ZBTB16: variants seen among roughly 807,000 people sequenced by gnomAD.
The protein encoded by ZBTB16 is zinc finger and BTB domain-containing protein 16.
In ZBTB16, 8 loss-of-function variants were observed where a neutral mutation model predicts 56.8. That is an observed-to-expected ratio of 0.14 (90% CI 0.08 to 0.25). The LOEUF is 0.25. ZBTB16 is among the 10% of genes least tolerant of loss of function. The pLI is 1.00. For missense variants in ZBTB16, 625 were observed against 903.0 expected, an observed-to-expected ratio of 0.69 and a Z score of 3.95; for synonymous variants, 363 against 368.5, an observed-to-expected ratio of 0.98 and a Z score of 0.17.
intron 3 of ZBTB16, among the ~76,000 whole-genome samples, chr11:114,186,544 G>C (rs1943364367): frequency 6.6e-6 from 1 of 152,094 alleles, no homozygotes; most frequent in South Asian, 2.1e-4. Context: ...TCCAGGTTGA[G>C]GTATGTCAGC....
intron 2 of ZBTB16, among the ~76,000 whole-genome samples, chr11:114,141,304 A>G (rs1002290195): frequency 5.3e-5 from 8 of 152,030 alleles, no homozygotes; most frequent in Non-Finnish European, 8.8e-5. Context: ...ACTGAATCTC[A>G]CCATATCCTC....
chr11:114,091,756 C>A (rs540105003), intron 2 of ZBTB16, among the ~76,000 whole-genome samples: 21 of 152,138 alleles, frequency 1.4e-4, no homozygotes, highest in African/African-American at 4.8e-4. Flanking sequence ...GGTTCCAGTG[C>A]CCCAGCCCAC....
At position 114,156,424 on chromosome 11, in the gene ZBTB16, G is replaced by A; in HGVS notation, c.1356G>A (p.Leu452=). ...GTTTGCGGCTGAGAATGCACTTACT[G>A]GCTCATTCAGGTAGGCAAGTTCGCC... is the stretch of plus-strand genomic sequence containing the variant. The part of the protein sequence containing the change: ...LDSLRLRMHL[L]AHSAGAKAFV... The change falls in exon 3 of 7, where the codon CTG becomes CTA. Residue 452 remains leucine (L), a synonymous_variant. Coordinates refer to ENST00000335953, the MANE Select transcript of ZBTB16 (RefSeq NM_006006.6). The A allele has an allele frequency of 6.2e-7, 1 of 1,614,234 alleles. No individual in the cohort carries two copies. The highest frequency in any genetic ancestry group is 1.1e-5 in the South Asian group (1 of 91,088).
At chr11:114,193,247 T>C (rs1431023725) in intron 4 of ZBTB16, among the ~76,000 whole-genome samples, 2 of 152,132 alleles carry the variant, frequency 1.3e-5, no homozygotes, top group East Asian at 1.9e-4. Context: ...TCAATAAAGA[T>C]TGAGTAAACT....
intron 2 of ZBTB16, among the ~76,000 whole-genome samples, chr11:114,066,108 G>A (rs1454288506): frequency 6.6e-6 from 1 of 152,174 alleles, no homozygotes; most frequent in African/African-American, 2.4e-5. Flanking sequence ...TGCTGATCTT[G>A]GGTGGATTCT....
intron 2 of ZBTB16, among the ~76,000 whole-genome samples, chr11:114,128,378 A>G (rs930128329): frequency 6.6e-6 from 1 of 152,190 alleles, no homozygotes; most frequent in Non-Finnish European, 1.5e-5. Flanking sequence ...CCGTGGCCAC[A>G]TGGGCACAGT....
chr11:114,152,850 C>T (rs750173011), intron 2 of ZBTB16, among the ~76,000 whole-genome samples: 39 of 152,208 alleles, frequency 2.6e-4, no homozygotes, highest in African/African-American at 4.3e-4. Flanking sequence ...CAGATGGCCA[C>T]GTGCAATTAA....
chr11:114,115,125 A>G (rs1941130662), intron 2 of ZBTB16, among the ~76,000 whole-genome samples: 1 of 152,166 alleles, frequency 6.6e-6, no homozygotes, highest in East Asian at 1.9e-4. Flanking sequence ...GCAAACCTGT[A>G]TACTTCTTTA....
chr11:114,183,190 A>G (rs1032439931), intron 3 of ZBTB16, among the ~76,000 whole-genome samples: 2 of 152,122 alleles, frequency 1.3e-5, no homozygotes, highest in African/African-American at 4.8e-5. Context: ...CGTTTGTGTT[A>G]TCCACGTGTA....
At chr11:114,114,245 A>C (rs889219711) in intron 2 of ZBTB16, among the ~76,000 whole-genome samples, 1 of 152,240 alleles carries the variant, frequency 6.6e-6, no homozygotes, top group Non-Finnish European at 1.5e-5. Flanking sequence ...TGAAAGACAG[A>C]ATAATGGATG....
At chr11:114,167,981 G>C (rs1235761327) in intron 3 of ZBTB16, among the ~76,000 whole-genome samples, 3 of 152,236 alleles carry the variant, frequency 2.0e-5, no homozygotes, top group Admixed American at 1.3e-4. Flanking sequence ...GGCAGGACAA[G>C]AGGCCGCCCT....
intron 2 of ZBTB16, among the ~76,000 whole-genome samples, chr11:114,068,473 T>G (rs1939208666): frequency 1.3e-5 from 2 of 152,194 alleles, no homozygotes; most frequent in African/African-American, 4.8e-5. Flanking sequence ...AGCCGTCCAC[T>G]GCAGGAATGA....
intron 2 of ZBTB16, among the ~76,000 whole-genome samples, chr11:114,132,087 C>G (rs1941676557): frequency 6.6e-6 from 1 of 152,020 alleles, no homozygotes; most frequent in African/African-American, 2.4e-5. Context: ...AACTTAATTT[C>G]AAATGAAACT....
At chr11:114,122,032 C>T in intron 2 of ZBTB16, 1 of 309,084 alleles carries the variant, frequency 3.2e-6, no homozygotes, top group Non-Finnish European at 6.4e-6. Context: ...TTTGCCTGTT[C>T]CAAAAATGGT....
chr11:114,082,954 T>C (rs1939822668), intron 2 of ZBTB16, among the ~76,000 whole-genome samples: 1 of 152,164 alleles, frequency 6.6e-6, no homozygotes, highest in Admixed American at 6.5e-5. Flanking sequence ...ACGCAATGTC[T>C]GCAAACCGAC....
intron 4 of ZBTB16, among the ~76,000 whole-genome samples, chr11:114,239,820 G>A (rs910003678): frequency 2.0e-5 from 3 of 152,296 alleles, no homozygotes; most frequent in East Asian, 1.9e-4. Flanking sequence ...CCAGACAGGC[G>A]GGCAGTCAGC....
chr11:114,180,171 G>A (rs1229393824), intron 3 of ZBTB16, among the ~76,000 whole-genome samples: 9 of 152,144 alleles, frequency 5.9e-5, no homozygotes, highest in South Asian at 2.1e-4. Context: ...TGGAGGTGTC[G>A]GGAAGTCAGG....
At chr11:114,192,223 G>T (rs367965561) in intron 4 of ZBTB16, among the ~76,000 whole-genome samples, 1 of 152,198 alleles carries the variant, frequency 6.6e-6, no homozygotes, top group African/African-American at 2.4e-5. Flanking sequence ...ACCTGGACTT[G>T]CTGTGTGACA....
intron 4 of ZBTB16, among the ~76,000 whole-genome samples, chr11:114,240,852 A>G (rs551371219): frequency 1.3e-5 from 2 of 152,332 alleles, no homozygotes; most frequent in South Asian, 2.1e-4. Context: ...CTAGCTTTCA[A>G]TCCTTTGACA....
Sources: gnomAD v4.1 joint callset for allele counts (sites outside exome capture counted in the v4.1 genomes callset) on GRCh38, gnomAD v4.1.1 for gene constraint, MANE v1.5 for transcripts, NCBI Gene and HGNC (gene_info 2026-07-23, HGNC 2026-07-21) for gene names.